The following SEMA6A variants were observed in gnomAD, a reference collection of about 807,000 sequenced individuals.
SEMA6A encodes semaphorin-6A.
A neutral mutation model predicts 96.8 loss-of-function variants in SEMA6A; 25 were observed. That is an observed-to-expected ratio of 0.26 (90% CI 0.19 to 0.36). The LOEUF (loss-of-function observed/expected upper bound fraction) is 0.36. Among genes scored for constraint, SEMA6A ranks in the 10% least tolerant of loss-of-function variants. The pLI is 1.00. For synonymous variants in SEMA6A, 612 were observed against 518.0 expected, an observed-to-expected ratio of 1.18 and a Z score of -2.46; for missense variants, 1,363 against 1,323.1, an observed-to-expected ratio of 1.03 and a Z score of -0.47.
At chr5:116,488,346 G>C (rs1757165705) in intron 8 of SEMA6A, 150 bp from the exon 9 acceptor site, 2 of 571,250 alleles carry the variant, frequency 3.5e-6, no homozygotes, top group African/African-American at 3.8e-5. Flanking sequence ...CTTCACACAT[G>C]CAAGTGCTGG....
chr5:116,531,333 T>A (rs1759465696), intron 1 of SEMA6A, among the ~76,000 whole-genome samples: 1 of 152,150 alleles, frequency 6.6e-6, no homozygotes, highest in Non-Finnish European at 1.5e-5. Context: ...CGCTGCACTT[T>A]GCAGATTGGT....
At chr5:116,518,358 C>A (rs1193509504) in intron 1 of SEMA6A, among the ~76,000 whole-genome samples, 1 of 152,168 alleles carries the variant, frequency 6.6e-6, no homozygotes, top group Non-Finnish European at 1.5e-5. Context: ...AGGTTAATTA[C>A]TGCAATCCAA....
At chr5:116,555,019 C>G (rs1263364294) in intron 1 of SEMA6A, 1 of 152,272 alleles carries the variant, frequency 6.6e-6, no homozygotes, top group Non-Finnish European at 1.5e-5. Context: ...AAACAGCTGT[C>G]AGATGGTTCT....
chr5:116,488,357 T>C (rs1361579061), intron 8 of SEMA6A, among the ~76,000 whole-genome samples, 161 bp from the exon 9 acceptor site: 6 of 152,246 alleles, frequency 3.9e-5, no homozygotes, highest in Admixed American at 3.9e-4. Flanking sequence ...CAAGTGCTGG[T>C]GATTTCACAA....
chr5:116,462,356 A>G (rs555499635), intron 18 of SEMA6A, among the ~76,000 whole-genome samples: 1 of 152,326 alleles, frequency 6.6e-6, no homozygotes, highest in South Asian at 2.1e-4. Context: ...GCCGGGCAAC[A>G]CTGTGTAGCA....
intron 17 of SEMA6A, chr5:116,472,850 G>C: frequency 7.2e-7 from 1 of 1,394,074 alleles, no homozygotes; most frequent in Non-Finnish European, 9.5e-7. Flanking sequence ...ATGACTTCAC[G>C]AATTTAAAAA....
chr5:116,503,186 A>G (rs1757973999), intron 2 of SEMA6A, among the ~76,000 whole-genome samples: 1 of 152,194 alleles, frequency 6.6e-6, no homozygotes, highest in South Asian at 2.1e-4. Flanking sequence ...AAGATGAGCC[A>G]CATTTAAAAG....
chr5:116,529,024 C>G (rs1244998540), intron 1 of SEMA6A, among the ~76,000 whole-genome samples: 6 of 152,162 alleles, frequency 3.9e-5, no homozygotes, highest in Admixed American at 3.9e-4. Flanking sequence ...AGCCAAGGCT[C>G]TGCTGGTACT....
In SEMA6A at chr5:116,444,421, GA is replaced by G. The variant is rs1754062548; in HGVS notation, c.*2191del. 6.6e-6 allele frequency: 1 copy of G among 151,804 alleles called. No homozygotes were observed. Among genetic ancestry groups the G allele is most frequent in the African/African-American group, 2.4e-5 (1 of 41,294 alleles). The allele number at this position is 151,804 out of a possible 1,614,324, so 9.4% of individuals were successfully genotyped here. On this transcript the variant is annotated 3_prime_UTR_variant, in exon 19 of 19. Transcript: ENST00000343348. ...AAACTGTCATTGTCAGTCTTTTTTT[GA>G]ATTCTTTTTAAAGACAAAACTAAAC...
intron 1 of SEMA6A, among the ~76,000 whole-genome samples, chr5:116,528,302 T>C (rs10040008): frequency 0.058 from 8,806 of 152,266 alleles, 358 homozygotes; most frequent in Non-Finnish European, 0.086. Context: ...ACAAATATAA[T>C]GTGGATTTCT....
chr5:116,510,846 A>G lies in SEMA6A; in HGVS notation c.-38-5864T>C, dbSNP rs143285482. On this transcript the variant is annotated intron_variant, in intron 1 of 18. Coordinates refer to ENST00000343348, the MANE Select transcript of SEMA6A (RefSeq NM_020796.5). ...AAAAAATGTAAATCATGGCACTCAC[A>G]CTAATGCAAAGAAATATAATGATGT... Among the ~76,000 whole-genome samples the G allele has an allele frequency of 1.2e-3, 184 of 152,302 alleles. 2 individuals are homozygous for G. Among genetic ancestry groups the G allele is most frequent in the African/African-American group, 4.4e-3 (182 of 41,578 alleles).
chr5:116,559,754 ACCTTGGAACCATTTTTTACT>A (rs1256549458), intron 1 of SEMA6A, among the ~76,000 whole-genome samples: 30 of 152,274 alleles, frequency 2.0e-4, no homozygotes, highest in Admixed American at 5.2e-4. Flanking sequence ...CAGAGGTGAT[ACCTTGGAACCATTTTTTACT>A]CCTTCCCCTC....
At chr5:116,524,584 G>C (rs1759119621) in intron 1 of SEMA6A, among the ~76,000 whole-genome samples, 2 of 151,640 alleles carry the variant, frequency 1.3e-5, no homozygotes, top group Admixed American at 1.3e-4. Context: ...TAAATATCAA[G>C]AGGGCAGCTG....
chr5:116,546,871 C>A (rs1187194264), intron 1 of SEMA6A, among the ~76,000 whole-genome samples: 1 of 152,220 alleles, frequency 6.6e-6, no homozygotes, highest in Non-Finnish European at 1.5e-5. Flanking sequence ...CCATTACCAC[C>A]TTTTTATTGC....
intron 1 of SEMA6A, among the ~76,000 whole-genome samples, chr5:116,537,167 A>G (rs2112854039): frequency 6.6e-6 from 1 of 152,338 alleles, no homozygotes; most frequent in Middle Eastern, 3.4e-3. Context: ...AGACCCACCA[A>G]CAGGGAAACT....
At chr5:116,480,634 G>C (rs1017522261) in intron 11 of SEMA6A, among the ~76,000 whole-genome samples, 1 of 152,108 alleles carries the variant, frequency 6.6e-6, no homozygotes, top group African/African-American at 2.4e-5. Flanking sequence ...AAGGCTGCTA[G>C]AGATTCCTCA....
chr5:116,559,199 A>C (rs254208), intron 1 of SEMA6A, among the ~76,000 whole-genome samples: 102,449 of 152,048 alleles, frequency 0.67, 35,846 homozygotes, highest in East Asian at 0.86. Context: ...CATACTCAAA[A>C]ATTTCAGCAG....
At chr5:116,463,127 T>A (rs1272709043) in intron 18 of SEMA6A, among the ~76,000 whole-genome samples, 1 of 152,192 alleles carries the variant, frequency 6.6e-6, no homozygotes, top group Non-Finnish European at 1.5e-5. Context: ...TCTCTCTTTG[T>A]CAAAAAGAGA....
At chr5:116,511,545 A>ACTGC (rs1758402056) in intron 1 of SEMA6A, among the ~76,000 whole-genome samples, 3 of 152,192 alleles carry the variant, frequency 2.0e-5, no homozygotes, top group African/African-American at 7.2e-5. Context: ...CATAAAAGGA[A>ACTGC]ACTGCACTTA....
Sources: allele counts gnomAD v4.1 joint callset (sites outside exome capture counted in the v4.1 genomes callset), GRCh38; gene constraint gnomAD v4.1.1; transcripts MANE v1.5; gene names NCBI Gene and HGNC (gene_info 2026-07-23, HGNC 2026-07-21).